The following NAV2 variants were observed in gnomAD, a reference collection of about 807,000 sequenced individuals.
The protein encoded by NAV2 is neuron navigator 2.
NAV2 carries 54 observed loss-of-function variants against 223.2 expected under a neutral mutation model. The ratio of observed to expected loss-of-function variants is 0.24; its 90% CI spans 0.19 to 0.30. The LOEUF (loss-of-function observed/expected upper bound fraction) is 0.30. Among genes scored for constraint, NAV2 ranks in the 10% least tolerant of loss-of-function variants. NAV2 has a pLI of 1.00. For missense variants in NAV2, 2,806 were observed against 3,147.5 expected (o/e 0.89, Z 2.60); for synonymous variants, 1,279 against 1,239.3 (o/e 1.03, Z -0.67).
intron 1 of NAV2, among the ~76,000 whole-genome samples, chr11:19,471,341 G>T (rs765279276): frequency 6.6e-6 from 1 of 152,288 alleles, no homozygotes; most frequent in East Asian, 1.9e-4. Context: ...GTGAGAACAC[G>T]CTTATAATGC....
At chr11:19,728,729 G>A (rs1268429900) in intron 1 of NAV2, among the ~76,000 whole-genome samples, 1 of 152,156 alleles carries the variant, frequency 6.6e-6, no homozygotes, top group Non-Finnish European at 1.5e-5. Flanking sequence ...TTACATCTTG[G>A]GTGTGAGTAT....
the NAV2 span, among the ~76,000 whole-genome samples, chr11:19,345,618 T>C: frequency 1.3e-5 from 2 of 152,228 alleles, no homozygotes; most frequent in African/African-American, 2.4e-5. This position sits in a 1 kb window ranked among gnomAD's most constrained non-coding sequence, Gnocchi z 5.2. Context: ...CCGTGCGCGA[T>C]GACGGCCGGC....
Position 19,908,864 on chromosome 11 carries a change from T to G in NAV2, c.931+16270T>G, listed in dbSNP as rs75764935. ...ATTTGTGGTTGCTAGGGCTGTGGGG[T>G]GGGAGTAGAGGAGGGATGAAGAGTT... is the stretch of plus-strand genomic sequence containing the variant. On this transcript the variant is annotated intron_variant, in intron 6 of 37. Coordinates refer to ENST00000349880, the MANE Select transcript of NAV2 (RefSeq NM_145117.5). Among the ~76,000 whole-genome samples, 482 of 152,166 alleles carry G rather than the reference T, an allele frequency of 3.2e-3. 2 individuals carry two copies. Among genetic ancestry groups the G allele is most frequent in the South Asian group, 0.019 (92 of 4,806 alleles).
At chr11:19,971,710 C>T (rs1448983868) in intron 10 of NAV2, among the ~76,000 whole-genome samples, 2 of 152,130 alleles carry the variant, frequency 1.3e-5, no homozygotes, top group African/African-American at 4.8e-5. Flanking sequence ...GTTTTTCAAA[C>T]TTTTTTCTGT....
chr11:19,480,331 C>T (rs1006977760), intron 1 of NAV2, among the ~76,000 whole-genome samples: 1 of 152,000 alleles, frequency 6.6e-6, no homozygotes, highest in East Asian at 1.9e-4. Flanking sequence ...TTTATTTGTT[C>T]AAGGAGGAAA....
intron 6 of NAV2, among the ~76,000 whole-genome samples, chr11:19,892,810 A>G (rs567230399): frequency 6.6e-6 from 1 of 152,198 alleles, no homozygotes; most frequent in Non-Finnish European, 1.5e-5. Flanking sequence ...ATAATTTGCT[A>G]TCTTTGTTTG....
chr11:19,441,004 T>C (rs578024825), intron 1 of NAV2, among the ~76,000 whole-genome samples: 6 of 152,214 alleles, frequency 3.9e-5, no homozygotes, highest in African/African-American at 1.4e-4. Context: ...ATACAAATAA[T>C]TGTGTAATTA....
chr11:19,944,122 A>C (rs112944527), intron 8 of NAV2, among the ~76,000 whole-genome samples: 2 of 152,202 alleles, frequency 1.3e-5, no homozygotes, highest in Non-Finnish European at 2.9e-5. Context: ...AATCGCTTCA[A>C]CTGAGGAGGT....
intron 1 of NAV2, among the ~76,000 whole-genome samples, chr11:19,461,883 G>C (rs951828368): frequency 2.6e-5 from 4 of 152,182 alleles, no homozygotes; most frequent in African/African-American, 7.2e-5. Context: ...TCGCCTCACT[G>C]CACCCTCCGC....
chr11:20,082,977 G>C (rs186078205), intron 25 of NAV2, 30 bp from the exon 26 acceptor site: 13 of 1,590,892 alleles, frequency 8.2e-6, no homozygotes, highest in Non-Finnish European at 1.1e-5. Context: ...GGTTGCCCCC[G>C]CTGTGAGACT....
At chr11:19,979,135 C>T (rs1389849744) in intron 10 of NAV2, 2 of 152,150 alleles carry the variant, frequency 1.3e-5, no homozygotes, top group Admixed American at 6.5e-5. Context: ...TCAAGTCTGG[C>T]CAGCTCCCAG....
chr11:19,708,533 G>A (rs901335769), upstream of NAV2, among the ~76,000 whole-genome samples: 8 of 152,080 alleles, frequency 5.3e-5, no homozygotes, highest in Non-Finnish European at 7.3e-5. Context: ...TTCTTGGGAG[G>A]TCAGGCCAAC....
At chr11:19,843,128 G>T (rs907464711) in intron 3 of NAV2, among the ~76,000 whole-genome samples, 1 of 152,174 alleles carries the variant, frequency 6.6e-6, no homozygotes, top group African/African-American at 2.4e-5. Context: ...TTTTTATGTA[G>T]ATTGTGAGAC....
chr11:19,390,493 C>G (rs143703569), intron 1 of NAV2, among the ~76,000 whole-genome samples: 33 of 152,192 alleles, frequency 2.2e-4, no homozygotes, highest in African/African-American at 7.9e-4. Flanking sequence ...CAGGGAAATT[C>G]AGGGTGAACA....
chr11:19,434,630 A>G lies in NAV2; in HGVS notation c.75+83603A>G, dbSNP rs114939594. Among the ~76,000 whole-genome samples, 1,233 of 152,306 alleles carry G rather than the reference A, an allele frequency of 8.1e-3. 15 individuals are homozygous for G. Among genetic ancestry groups the G allele is most frequent in the African/African-American group, 0.028 (1,169 of 41,566 alleles). On this transcript the variant is annotated intron_variant, in intron 1 of 37. Transcript: ENST00000360655. Reference sequence around the variant, plus strand: ...ACATTTCTTTTTTAGCTCCTTTAGAAAATAAGTATTTTAACAGCTCCTAAG... The same window carrying G: ...ACATTTCTTTTTTAGCTCCTTTAGAGAATAAGTATTTTAACAGCTCCTAAG...
intron 36 of NAV2, among the ~76,000 whole-genome samples, chr11:20,110,549 G>A (rs2062538596): frequency 6.6e-6 from 1 of 152,164 alleles, no homozygotes; most frequent in Non-Finnish European, 1.5e-5. Context: ...ACTCAGCAGG[G>A]TATGGTGGAG....
intron 1 of NAV2, among the ~76,000 whole-genome samples, chr11:19,716,218 C>A (rs2050297069): frequency 1.3e-5 from 2 of 152,132 alleles, no homozygotes; most frequent in Admixed American, 1.3e-4. Context: ...CCCTTTTATT[C>A]AGGGGATTTT....
chr11:19,379,097 A>G (rs989924424), intron 1 of NAV2, among the ~76,000 whole-genome samples: 30 of 152,090 alleles, frequency 2.0e-4, no homozygotes, highest in African/African-American at 7.2e-4. Context: ...TGAGTCTTGA[A>G]GGAGGAGGAG....
At chr11:19,826,793 T>G (rs1354280434) in intron 1 of NAV2, among the ~76,000 whole-genome samples, 2 of 152,222 alleles carry the variant, frequency 1.3e-5, no homozygotes, top group Admixed American at 1.3e-4. Context: ...AGATTCTGAT[T>G]GGAGGATTTG....
Sources: allele counts gnomAD v4.1 joint callset (sites outside exome capture counted in the v4.1 genomes callset), GRCh38; gene constraint gnomAD v4.1.1; non-coding constraint Gnocchi (gnomAD v3.1); transcripts MANE v1.5; gene names NCBI Gene and HGNC (gene_info 2026-07-23, HGNC 2026-07-21).